The following UNC80 variants were observed in gnomAD, a reference collection of about 807,000 sequenced individuals.
The protein encoded by UNC80 is unc-80 subunit of NALCN channel complex, also known as protein unc-80 homolog.
In UNC80, 164 loss-of-function variants were observed where a neutral mutation model predicts 384.6. That is an observed-to-expected ratio of 0.43 (90% confidence interval 0.38 to 0.49). UNC80 has a LOEUF of 0.49. Among genes scored for constraint, UNC80 ranks in the 20% least tolerant of loss-of-function variants. The pLI is 0.00. For missense variants in UNC80, 3,330 were observed against 4,143.0 expected, an observed-to-expected ratio of 0.80 and a Z score of 5.39; for synonymous variants, 1,486 against 1,527.8, an observed-to-expected ratio of 0.97 and a Z score of 0.64.
At chr2:209,851,407 G>T (rs193180245) in intron 22 of UNC80, among the ~76,000 whole-genome samples, 1 of 152,102 alleles carries the variant, frequency 6.6e-6, no homozygotes, top group Non-Finnish European at 1.5e-5. Context: ...GTATATAATC[G>T]GGGAGGGAGA....
At chr2:209,867,537 G>A (rs572331180) in intron 22 of UNC80, among the ~76,000 whole-genome samples, 1 of 152,142 alleles carries the variant, frequency 6.6e-6, no homozygotes, top group Admixed American at 6.5e-5. Context: ...CCTACCCAGA[G>A]CCAAACCTTG....
intron 28 of UNC80, among the ~76,000 whole-genome samples, chr2:209,902,428 G>T (rs1325794339): frequency 6.6e-6 from 1 of 152,210 alleles, no homozygotes; most frequent in Non-Finnish European, 1.5e-5. Context: ...GTTGTTGAGG[G>T]TTGATCGCAA....
At chr2:209,902,518 A>G (rs1282615047) in intron 28 of UNC80, among the ~76,000 whole-genome samples, 1 of 152,196 alleles carries the variant, frequency 6.6e-6, no homozygotes, top group African/African-American at 2.4e-5. Flanking sequence ...TGAAAAGAAC[A>G]GTCAATTAAT....
chr2:209,979,027 T>C lies in UNC80; in HGVS notation c.9118+319T>C, dbSNP rs980856021. On this transcript the variant is annotated intron_variant, in intron 59 of 64. Transcript: ENST00000673920. ...ACTTTGGGAGGCCGAGGCGGGTGGA[T>C]CACCTGAGGTCAGGAGTTCAAGACC... Among the ~76,000 whole-genome samples, 16 of 152,256 alleles carry C rather than the reference T, an allele frequency of 1.1e-4. No individual in the cohort carries two copies. In the East Asian group the frequency reaches 2.7e-3, roughly 26 times the overall value.
At chr2:209,947,927 G>A (rs879673042) in intron 47 of UNC80, among the ~76,000 whole-genome samples, 9 of 152,060 alleles carry the variant, frequency 5.9e-5, no homozygotes, top group Non-Finnish European at 1.3e-4. Flanking sequence ...AACTGAAATA[G>A]TATAGTAGCT....
intron 7 of UNC80, among the ~76,000 whole-genome samples, chr2:209,802,871 T>C (rs2078651049): frequency 6.6e-6 from 1 of 152,220 alleles, no homozygotes. Flanking sequence ...ACAGAATTCA[T>C]TTCCTTGCAG....
chr2:209,910,101 CTAG>C (rs2124938052), intron 29 of UNC80, among the ~76,000 whole-genome samples: 1 of 151,046 alleles, frequency 6.6e-6, no homozygotes, highest in Admixed American at 6.6e-5. Context: ...AAACTCAAGA[CTAG>C]TAACCCAAGA....
chr2:209,966,013 C>G (rs78568565), intron 51 of UNC80, among the ~76,000 whole-genome samples: 1 of 151,970 alleles, frequency 6.6e-6, no homozygotes, highest in Non-Finnish European at 1.5e-5. Flanking sequence ...GAAAACTTTC[C>G]ATGTATGGCT....
In UNC80 at chr2:209,929,968, A is replaced by T; in HGVS notation, c.5904A>T (p.Arg1968Ser). The change falls in exon 37 of 65, where the codon AGA becomes AGT. Residue 1968 changes from arginine to serine, a missense_variant. Physicochemically the swap from Arg to Ser is moderately radical, Grantham distance 110. Transcript: ENST00000673920. Reference protein sequence around the residue: ...HFLEKLTISNRQDELMYMLRK... With the variant: ...HFLEKLTISNSQDELMYMLRK... ...TGGAAAAACTGACCATCAGCAATAG[A>T]CAAGTAAATTCCTCTTCCTTTTTAG... 1 of 1,530,454 alleles carries T rather than the reference A, an allele frequency of 6.5e-7. No individual in the cohort carries two copies. 94.8% of individuals were successfully genotyped at this position (1,530,454 alleles called of 1,614,324 possible).
chr2:209,952,108 A>T (rs1243284171), intron 47 of UNC80, among the ~76,000 whole-genome samples: 1 of 152,114 alleles, frequency 6.6e-6, no homozygotes, highest in East Asian at 1.9e-4. Flanking sequence ...TTAACATTTT[A>T]GTCATTGTTT....
At chr2:209,884,222 A>G (rs2085567090) in intron 25 of UNC80, among the ~76,000 whole-genome samples, 1 of 152,240 alleles carries the variant, frequency 6.6e-6, no homozygotes, top group Non-Finnish European at 1.5e-5. Flanking sequence ...CTGCTGGTCT[A>G]CTAAAATGTT....
At position 209,793,715 on chromosome 2, in the gene UNC80, A is replaced by G; in HGVS notation, c.799-5A>G. 6.2e-7 allele frequency: 1 copy of G among 1,613,494 alleles called. No individual in the cohort carries two copies. The highest frequency in any genetic ancestry group is 2.2e-5 in the East Asian group (1 of 44,868). ...AACCTAATCTGCTATCTCTGCCTCC[A>G]AAAGGGACTCCAGGTGGTTTGTGAA... On this transcript the variant is annotated splice_region_variant and splice_polypyrimidine_tract_variant and intron_variant, in intron 6 of 64. Coordinates refer to ENST00000673920, the MANE Select transcript of UNC80 (RefSeq NM_001371986.1).
intron 7 of UNC80, among the ~76,000 whole-genome samples, chr2:209,810,363 G>A (rs1006297007): frequency 2.0e-5 from 3 of 152,172 alleles, no homozygotes; most frequent in African/African-American, 7.2e-5. Flanking sequence ...TTGTATCAAG[G>A]AAACGTTTTG....
At chr2:209,982,055 T>A in intron 59 of UNC80, 124 bp from the exon 60 acceptor site, 1 of 915,410 alleles carries the variant, frequency 1.1e-6, no homozygotes, top group South Asian at 2.6e-5. Flanking sequence ...CCAATGATAA[T>A]TTAGATTTAC....
At chr2:209,880,004 G>T (rs1253297352) in intron 24 of UNC80, among the ~76,000 whole-genome samples, 2 of 152,196 alleles carry the variant, frequency 1.3e-5, no homozygotes, top group East Asian at 3.8e-4. Flanking sequence ...TTTTAGGACT[G>T]TTCATATGTA....
At chr2:209,932,249 C>T (rs1472394807) in intron 38 of UNC80, among the ~76,000 whole-genome samples, 1 of 152,160 alleles carries the variant, frequency 6.6e-6, no homozygotes, top group African/African-American at 2.4e-5. Context: ...GGAAGTCCAC[C>T]AGCTACAGCA....
intron 29 of UNC80, among the ~76,000 whole-genome samples, chr2:209,910,143 T>G (rs1465193685): frequency 6.6e-6 from 1 of 151,670 alleles, no homozygotes; most frequent in Admixed American, 6.6e-5. Context: ...CACTCTTGTT[T>G]CCAGAATTTA....
At chr2:209,891,042 T>C (rs1196259660) in intron 26 of UNC80, among the ~76,000 whole-genome samples, 1 of 152,210 alleles carries the variant, frequency 6.6e-6, no homozygotes, top group Non-Finnish European at 1.5e-5. Context: ...TGATTTTATG[T>C]GTTGAAGTAT....
In UNC80 at chr2:209,835,178, A is replaced by G. The variant is rs541496013; in HGVS notation, c.3041+168A>G. ...TGCCACTAACTCTCCAGGCCAAATC[A>G]CAAATAACCAGTCTGTGCCTATGAG... On this transcript the variant is annotated intron_variant, in intron 18 of 64. Coordinates refer to ENST00000673920, the MANE Select transcript of UNC80 (RefSeq NM_001371986.1). Among the ~76,000 whole-genome samples, 3 of 152,266 alleles carry G rather than the reference A, an allele frequency of 2.0e-5. No individual in the cohort carries two copies. In the South Asian group the frequency reaches 6.2e-4, roughly 32 times the overall value.
Sources: allele counts gnomAD v4.1 joint callset (sites outside exome capture counted in the v4.1 genomes callset), GRCh38; gene constraint gnomAD v4.1.1; transcripts MANE v1.5; gene names NCBI Gene and HGNC (gene_info 2026-07-23, HGNC 2026-07-21).